Variants in CNGB1 observed in about 807,000 individuals in gnomAD.
The protein encoded by CNGB1 is cyclic nucleotide-gated channel beta-1.
Under a neutral mutation model 151.7 loss-of-function variants are expected in CNGB1, and 126 were observed. The observed-to-expected ratio is 0.83, with a 90% CI of 0.72 to 0.96. CNGB1 has a LOEUF of 0.96. Ranked by LOEUF, CNGB1 falls within the 40% of genes least tolerant of loss-of-function variation. CNGB1 has a pLI of 0.00. For synonymous variants in CNGB1, 623 were observed against 635.1 expected (o/e 0.98, Z 0.29); for missense variants, 1,698 against 1,627.0 (o/e 1.04, Z -0.75).
At position 57,917,397 on chromosome 16, in the gene CNGB1, G is replaced by T. The variant is rs1485276230; in HGVS notation, c.2037C>A (p.Ala679=). The T allele has an allele frequency of 1.9e-6, 3 of 1,614,116 alleles. No individual in the cohort carries two copies. The highest frequency in any genetic ancestry group is 1.7e-5 in the Admixed American group (1 of 60,014). The change falls in exon 21 of 33, where the codon GCC becomes GCA. Residue 679 remains alanine (A), a synonymous_variant. Transcript: ENST00000251102. ...TGTTGTCCGGGGTCTGGTAGGGGAA[G>T]GCCCAGCGCACGGGAATCAGCCAAC... is the stretch of plus-strand genomic sequence containing the variant. ...WNCWLIPVRW[A]FPYQTPDNIH... is the part of the protein sequence containing the mutation.
intron 3 of CNGB1, 93 bp from the exon 4 acceptor site, chr16:57,964,295 G>C: frequency 6.9e-7 from 1 of 1,451,024 alleles, no homozygotes; most frequent in Non-Finnish European, 9.6e-7. Context: ...AGAGGAGAGA[G>C]ACCCCCAGGG....
chr16:57,928,780 G>T (rs576637563), intron 17 of CNGB1, among the ~76,000 whole-genome samples: 1 of 152,250 alleles, frequency 6.6e-6, no homozygotes, highest in South Asian at 2.1e-4. Flanking sequence ...TGGGACTATA[G>T]GCATGTGCCA....
At chr16:57,962,723 G>T in intron 6 of CNGB1, 113 bp from the exon 7 acceptor site, 7 of 1,565,504 alleles carry the variant, frequency 4.5e-6, no homozygotes, top group Middle Eastern at 1.7e-4. Context: ...TTCAAAGCAG[G>T]GTCAGTCAGG....
At chr16:57,950,606 CCAGGGAGCCTG>C in intron 12 of CNGB1, 66 bp from the exon 13 acceptor site, 1 of 1,551,402 alleles carries the variant, frequency 6.4e-7, no homozygotes, top group Non-Finnish European at 8.9e-7. Flanking sequence ...CCTCTGAGTC[CCAGGGAGCCTG>C]CAGGGAGCCC....
chr16:57,964,039 C>T, intron 4 of CNGB1, 91 bp downstream of exon 4: 1 of 1,206,572 alleles, frequency 8.3e-7, no homozygotes, highest in Non-Finnish European at 1.2e-6. Flanking sequence ...AAGGGCAGTG[C>T]CCATCCCCAC....
intron 12 of CNGB1, among the ~76,000 whole-genome samples, chr16:57,955,684 T>C (rs1478419622): frequency 1.3e-5 from 2 of 152,152 alleles, no homozygotes; most frequent in African/African-American, 4.8e-5. Context: ...ACTGATGTCC[T>C]TTTTAAAGAA....
chr16:57,955,164 A>T, intron 12 of CNGB1: 1 of 1,494,590 alleles, frequency 6.7e-7, no homozygotes, highest in Non-Finnish European at 8.9e-7. Flanking sequence ...GGGCTGGTGC[A>T]GGTGACTCTG....
In CNGB1 at chr16:57,958,393, A is replaced by G. The variant is rs745566980; in HGVS notation, c.837+17T>C. The G allele has an allele frequency of 1.2e-5, 18 of 1,527,372 alleles. No individual in the cohort carries two copies. The highest frequency in any genetic ancestry group is 1.5e-5 in the Non-Finnish European group (17 of 1,141,988). The allele number at this position is 1,527,372 out of a possible 1,614,324, so 94.6% of individuals were successfully genotyped here. A position where few individuals can be genotyped will look rare whatever the true frequency, so the allele number is the denominator to read the frequency against. On this transcript the variant is annotated intron_variant, in intron 11 of 32. Coordinates refer to ENST00000251102, the MANE Select transcript of CNGB1 (RefSeq NM_001297.5). ...CCACCACCACCAGGGCCACCACTCCATGAGCCCAGCACTGACCTGTTCCCC... is the reference window on the plus strand; with the variant it reads ...CCACCACCACCAGGGCCACCACTCCGTGAGCCCAGCACTGACCTGTTCCCC...
At chr16:57,919,378 G>C in intron 19 of CNGB1, 124 bp from the exon 20 acceptor site, 1 of 1,555,120 alleles carries the variant, frequency 6.4e-7, no homozygotes, top group East Asian at 2.3e-5. Context: ...CATTATACAA[G>C]CTACTGCAAG....
rs1244599324 is a variant in CNGB1 at position 57,903,830 on chromosome 16, C to G, written c.2786G>C (p.Gly929Ala). ...GGGCGTGACCATCTTACCCAGCATG[C>G]CTTGCGAGTGCCAGGTGTACTCGTA... ...TWYEYTWHSQ[G>A]MLDESELMVQ... is the part of the protein sequence containing the mutation. Residue 929 changes from glycine to alanine, a missense_variant, in exon 27 of 33, where the codon GGC (glycine) becomes GCC (alanine). Transcript: ENST00000251102. 6.2e-7 allele frequency: 1 copy of G among 1,614,086 alleles called. No homozygotes were observed.
At chr16:57,905,297 G>A (rs1222937592) in intron 25 of CNGB1, among the ~76,000 whole-genome samples, 4 of 152,174 alleles carry the variant, frequency 2.6e-5, no homozygotes, top group African/African-American at 9.7e-5. Flanking sequence ...GCAACATCAA[G>A]TTTGGACGAT....
intron 8 of CNGB1, 135 bp from the exon 9 acceptor site, chr16:57,960,665 T>A (rs1962226811): frequency 6.8e-6 from 9 of 1,316,396 alleles, no homozygotes; most frequent in Middle Eastern, 1.9e-4. Context: ...TCCTTCTGAA[T>A]CCCGGCCCCC....
chr16:57,959,143 G>A (rs1264321047), intron 10 of CNGB1, among the ~76,000 whole-genome samples: 2 of 152,020 alleles, frequency 1.3e-5, no homozygotes, highest in Non-Finnish European at 2.9e-5. Flanking sequence ...TGAACCCAAT[G>A]ATGCATGCAC....
In CNGB1 at chr16:57,949,232, C is replaced by A. The variant is rs1173719943; in HGVS notation, c.1121+121G>T. ...CGCAGCCTCTTTGGTCAAAGCCCAG[C>A]CTTACACAGCACAGAACAACAGAAA... On this transcript the variant is annotated intron_variant, in intron 14 of 32. Coordinates refer to ENST00000251102, the MANE Select transcript of CNGB1 (RefSeq NM_001297.5). 4.5e-6 allele frequency: 7 copies of A among 1,569,344 alleles called. No homozygotes were observed. The African/African-American group carries it at 8.1e-5, about 18-fold the overall frequency.
intron 32 of CNGB1, among the ~76,000 whole-genome samples, chr16:57,886,408 C>T (rs1959930499): frequency 6.6e-6 from 1 of 152,196 alleles, no homozygotes; most frequent in African/African-American, 2.4e-5. Context: ...CAGCAGCCAG[C>T]ACTGAAGACC....
chr16:57,889,742 T>C (rs1427090908), intron 31 of CNGB1, among the ~76,000 whole-genome samples: 2 of 152,102 alleles, frequency 1.3e-5, no homozygotes, highest in African/African-American at 4.8e-5. Context: ...TGAGTAACTT[T>C]CCCAAGGCCA....
At chr16:57,926,230 A>G (rs527237049) in intron 17 of CNGB1, among the ~76,000 whole-genome samples, 3 of 152,278 alleles carry the variant, frequency 2.0e-5, no homozygotes, top group African/African-American at 7.2e-5. Flanking sequence ...TGACATCTGC[A>G]CATCTTCCCA....
intron 18 of CNGB1, among the ~76,000 whole-genome samples, chr16:57,921,797 C>T (rs1961043644): frequency 6.6e-6 from 1 of 152,286 alleles, no homozygotes; most frequent in Non-Finnish European, 1.5e-5. Flanking sequence ...GCACTGTCAT[C>T]TGGGTCCCTA....
At chr16:57,912,001 G>C (rs1444261794) in intron 24 of CNGB1, 126 bp from the exon 25 acceptor site, 10 of 1,279,242 alleles carry the variant, frequency 7.8e-6, no homozygotes, top group South Asian at 1.3e-5. Context: ...GATTGCACCA[G>C]TTAGGAAGGG....
Sources: gnomAD v4.1 joint callset for allele counts (sites outside exome capture counted in the v4.1 genomes callset) on GRCh38, gnomAD v4.1.1 for gene constraint, MANE v1.5 for transcripts, NCBI Gene and HGNC (gene_info 2026-07-23, HGNC 2026-07-21) for gene names.